The following KHDRBS2 variants were observed in gnomAD, a reference collection of about 807,000 sequenced individuals.
The protein encoded by KHDRBS2 is KH domain-containing, RNA-binding, signal transduction-associated protein 2.
A neutral mutation model predicts 44.3 loss-of-function variants in KHDRBS2; 26 were observed. That is an observed-to-expected ratio of 0.59 (90% CI 0.43 to 0.81). KHDRBS2 has a LOEUF of 0.81. Ranked by LOEUF, KHDRBS2 falls within the 40% of genes least tolerant of loss-of-function variation. KHDRBS2 has a pLI of 0.00. For missense variants in KHDRBS2, 476 were observed against 433.1 expected (o/e 1.10, Z -0.88); for synonymous variants, 194 against 151.1 (o/e 1.28, Z -2.08).
At chr6:62,014,783 A>G (rs1002926195) in intron 3 of KHDRBS2, among the ~76,000 whole-genome samples, 9 of 152,154 alleles carry the variant, frequency 5.9e-5, no homozygotes, top group Non-Finnish European at 1.2e-4. Context: ...ACAGCACATG[A>G]AATATTTTCA....
chr6:62,267,586 A>G (rs1839407128), intron 1 of KHDRBS2, among the ~76,000 whole-genome samples: 1 of 152,048 alleles, frequency 6.6e-6, no homozygotes, highest in Non-Finnish European at 1.5e-5. Context: ...AGGGAATAGA[A>G]AGTGGAGCAC....
At chr6:61,985,826 ATAC>A (rs1774956307) in intron 3 of KHDRBS2, among the ~76,000 whole-genome samples, 1 of 152,168 alleles carries the variant, frequency 6.6e-6, no homozygotes, top group Non-Finnish European at 1.5e-5. Context: ...GTATTAGAAA[ATAC>A]TACGATCCAA....
chr6:61,819,616 T>TC (rs1428379548), intron 6 of KHDRBS2, among the ~76,000 whole-genome samples: 12 of 152,050 alleles, frequency 7.9e-5, no homozygotes, highest in Admixed American at 5.9e-4. Context: ...ATTTTGTTCT[T>TC]CCCAAATAGG....
the KHDRBS2 span, among the ~76,000 whole-genome samples, chr6:61,577,258 A>C: frequency 6.6e-6 from 1 of 152,092 alleles, no homozygotes; most frequent in Non-Finnish European, 1.5e-5. Context: ...CACTTTACAA[A>C]TGCTGCAGGT....
Position 62,285,913 on chromosome 6 carries a change from T to C in KHDRBS2, c.36A>G (p.Ala12=), listed in dbSNP as rs1162835765. 1.2e-6 allele frequency: 2 copies of C among 1,613,362 alleles called. No homozygotes were observed. Among genetic ancestry groups the C allele is most frequent in the East Asian group, 2.2e-5 (1 of 44,814 alleles). Residue 12 remains alanine, a synonymous_variant, in exon 1 of 9, where the codon GCA becomes GCG. Coordinates refer to ENST00000281156, the MANE Select transcript of KHDRBS2 (RefSeq NM_152688.4). Reference sequence around the variant, plus strand: ...AAGATGGATCCAGGCTATCTTTCTCTGCCATCAGCTCAGGCAAATATTTCT... The same window carrying C: ...AAGATGGATCCAGGCTATCTTTCTCCGCCATCAGCTCAGGCAAATATTTCT... ...EEEKYLPELM[A]EKDSLDPSFV... is the part of the protein sequence containing the mutation.
At chr6:62,266,756 CA>C (rs1839267653) in intron 1 of KHDRBS2, among the ~76,000 whole-genome samples, 1 of 151,824 alleles carries the variant, frequency 6.6e-6, no homozygotes, top group African/African-American at 2.4e-5. Flanking sequence ...AACACACAAG[CA>C]AAAATAAAGA....
intron 3 of KHDRBS2, among the ~76,000 whole-genome samples, chr6:61,993,266 T>A (rs188623933): frequency 2.8e-4 from 43 of 152,224 alleles, no homozygotes; most frequent in Middle Eastern, 3.4e-3. Context: ...CTACTAGCCA[T>A]GACAGATGTT....
chr6:62,260,525 CT>C (rs1474979537), intron 1 of KHDRBS2, among the ~76,000 whole-genome samples: 7 of 151,924 alleles, frequency 4.6e-5, no homozygotes, highest in African/African-American at 1.7e-4. Context: ...ATCTCCAGTT[CT>C]CTTTTGTCCA....
intron 4 of KHDRBS2, among the ~76,000 whole-genome samples, chr6:61,954,571 T>C (rs559210831): frequency 2.9e-5 from 4 of 138,230 alleles, no homozygotes; most frequent in Non-Finnish European, 4.7e-5. Flanking sequence ...CATACATACG[T>C]ATGTAGACAT....
In KHDRBS2 at chr6:62,116,576, C is replaced by T. The variant is rs7741543; in HGVS notation, c.219+60609G>A. Among the ~76,000 whole-genome samples, 161 of 152,106 alleles carry T rather than the reference C, an allele frequency of 1.1e-3. 1 individual carries two copies. Among genetic ancestry groups the T allele is most frequent in the African/African-American group, 3.6e-3 (151 of 41,492 alleles). ...ATCAATTCAAGGTAATTAGAATATC[C>T]ATCACACCAAATATTTATGTCTTTG... On this transcript the variant is annotated intron_variant, in intron 2 of 8. Coordinates refer to ENST00000281156, the MANE Select transcript of KHDRBS2 (RefSeq NM_152688.4).
At chr6:61,683,316 T>C (rs1279632549) in intron 8 of KHDRBS2, among the ~76,000 whole-genome samples, 1 of 151,912 alleles carries the variant, frequency 6.6e-6, no homozygotes, top group South Asian at 2.1e-4. Context: ...TTGGCTTCAG[T>C]TGACTTTTTC....
the KHDRBS2 span, among the ~76,000 whole-genome samples, chr6:61,672,084 G>A: frequency 7.0e-6 from 1 of 142,228 alleles, no homozygotes; most frequent in African/African-American, 2.6e-5. Context: ...CTATGAGTGA[G>A]AATATGCGGT....
chr6:62,018,728 A>T (rs1290797045), intron 3 of KHDRBS2, among the ~76,000 whole-genome samples: 1 of 152,234 alleles, frequency 6.6e-6, no homozygotes, highest in Non-Finnish European at 1.5e-5. Flanking sequence ...AGACAAGAGA[A>T]AAATCCGTTA....
intron 3 of KHDRBS2, among the ~76,000 whole-genome samples, chr6:62,042,087 A>T (rs542795060): frequency 1.3e-5 from 2 of 152,234 alleles, no homozygotes; most frequent in South Asian, 2.1e-4. Flanking sequence ...ACGTTGCAAC[A>T]TAAGTTTCAT....
In KHDRBS2 at chr6:62,220,220, A is replaced by G. The variant is rs1250461382; in HGVS notation, c.92-42908T>C. On this transcript the variant is annotated intron_variant, in intron 1 of 8. Coordinates refer to ENST00000281156, the MANE Select transcript of KHDRBS2 (RefSeq NM_152688.4). ...AAAAATGAAGGTGAACTAAAGACCAATTCAGTCAAACCAGAGAATTTGCCA... is the reference window on the plus strand; with the variant it reads ...AAAAATGAAGGTGAACTAAAGACCAGTTCAGTCAAACCAGAGAATTTGCCA... Among the ~76,000 whole-genome samples the G allele has an allele frequency of 6.9e-4, 105 of 151,830 alleles. 1 individual carries two copies. The highest frequency in any genetic ancestry group is 2.5e-4 in the Non-Finnish European group (17 of 67,764).
chr6:61,730,964 C>G (rs2127560158), intron 7 of KHDRBS2, among the ~76,000 whole-genome samples: 1 of 152,030 alleles, frequency 6.6e-6, no homozygotes, highest in South Asian at 2.1e-4. Context: ...GAGAGAATGT[C>G]CCTCATTATC....
At chr6:61,822,938 C>T (rs1210582636) in intron 6 of KHDRBS2, among the ~76,000 whole-genome samples, 1 of 151,988 alleles carries the variant, frequency 6.6e-6, no homozygotes, top group African/African-American at 2.4e-5. Flanking sequence ...ATTTGTAACT[C>T]TATATTCCAC....
At chr6:61,681,128 A>G in intron 8 of KHDRBS2, 68 bp from the exon 9 acceptor site, 1 of 1,031,778 alleles carries the variant, frequency 9.7e-7, no homozygotes, top group South Asian at 1.3e-5. Context: ...CATTTAAGAC[A>G]CAATAGTTGA....
chr6:62,115,903 T>G (rs1433917794), intron 2 of KHDRBS2, among the ~76,000 whole-genome samples: 2 of 152,096 alleles, frequency 1.3e-5, no homozygotes, highest in Non-Finnish European at 2.9e-5. Context: ...CTAATGAATA[T>G]TCTCTTAAAT....
Sources: gnomAD v4.1 joint callset for allele counts (sites outside exome capture counted in the v4.1 genomes callset) on GRCh38, gnomAD v4.1.1 for gene constraint, MANE v1.5 for transcripts, NCBI Gene and HGNC (gene_info 2026-07-23, HGNC 2026-07-21) for gene names.